MACROD1: variants seen among roughly 807,000 people sequenced by gnomAD.
The protein encoded by MACROD1 is mono-ADP ribosylhydrolase 1, also known as ADP-ribose glycohydrolase MACROD1.
Under a neutral mutation model 41.4 loss-of-function variants are expected in MACROD1, and 31 were observed. That is an observed-to-expected ratio of 0.75 (90% confidence interval 0.56 to 1.01). MACROD1 has a LOEUF of 1.01. MACROD1 is among the 50% of genes least tolerant of loss of function. The pLI is 0.00. For synonymous variants in MACROD1, 252 were observed against 203.4 expected (o/e 1.24, Z -2.03); for missense variants, 473 against 460.0 (o/e 1.03, Z -0.26).
At chr11:64,075,134 G>A (rs2134472750) in intron 3 of MACROD1, among the ~76,000 whole-genome samples, 1 of 152,312 alleles carries the variant, frequency 6.6e-6, no homozygotes, top group South Asian at 2.1e-4. Context: ...TCTCTCACTT[G>A]GAGAAAACGG....
intron 1 of MACROD1, among the ~76,000 whole-genome samples, chr11:64,161,078 G>A (rs1013187624): frequency 1.3e-5 from 2 of 152,124 alleles, no homozygotes; most frequent in African/African-American, 2.4e-5. Flanking sequence ...GGCTGAGGCA[G>A]GAGAATCGCT....
At position 64,067,914 on chromosome 11, in the gene MACROD1, G is replaced by A. The variant is rs759678144; in HGVS notation, c.518-52633C>T. On this transcript the variant is annotated intron_variant, in intron 3 of 10. Coordinates refer to ENST00000255681, the MANE Select transcript of MACROD1 (RefSeq NM_014067.4). This position sits in a 1 kb window ranked among gnomAD's most constrained non-coding sequence, Gnocchi z 4.6. ...CAGCGGTTCGCTCGGCTTTTAGGAG[G>A]GGGCTGGCGGTGAACCCATCCCCGT... Among the ~76,000 whole-genome samples, 9 of 152,128 alleles carry A rather than the reference G, an allele frequency of 5.9e-5. No individual in the cohort carries two copies. Among genetic ancestry groups the A allele is most frequent in the Non-Finnish European group, 8.8e-5 (6 of 68,026 alleles).
At chr11:64,134,914 G>A (rs779556413) in intron 3 of MACROD1, among the ~76,000 whole-genome samples, 61 of 152,192 alleles carry the variant, frequency 4.0e-4, no homozygotes, top group Admixed American at 2.9e-3. Context: ...GGCCCTCAGA[G>A]TCTCCCTCCA....
intron 4 of MACROD1, among the ~76,000 whole-genome samples, chr11:64,007,392 A>G (rs1156595729): frequency 6.6e-6 from 1 of 152,204 alleles, no homozygotes; most frequent in Non-Finnish European, 1.5e-5. Context: ...AGGAGGTGGC[A>G]TTGGAGCAGA....
intron 5 of MACROD1, 84 bp from the exon 6 acceptor site, chr11:63,999,847 G>A (rs921993391): frequency 2.8e-6 from 4 of 1,444,296 alleles, no homozygotes; most frequent in Non-Finnish European, 3.7e-6. Context: ...TGGGCAGAAG[G>A]GGGCAGGAAA....
chr11:64,106,357 T>G (rs1944763862), intron 3 of MACROD1, among the ~76,000 whole-genome samples: 1 of 152,224 alleles, frequency 6.6e-6, no homozygotes, highest in Non-Finnish European at 1.5e-5. Flanking sequence ...GCCCTGGGTC[T>G]AGGTTCAGGG....
At chr11:64,015,816 C>T (rs902891905) in intron 3 of MACROD1, among the ~76,000 whole-genome samples, 3 of 150,252 alleles carry the variant, frequency 2.0e-5, no homozygotes, top group Non-Finnish European at 4.4e-5. Context: ...GCTGAGGGGG[C>T]GCAGAAGGGG....
At chr11:64,087,815 C>T (rs966768104) in intron 3 of MACROD1, among the ~76,000 whole-genome samples, 7 of 152,250 alleles carry the variant, frequency 4.6e-5, no homozygotes, top group Non-Finnish European at 1.0e-4. Flanking sequence ...GGCTTCTCTG[C>T]ACTGTGGGGT....
At chr11:64,093,355 G>A (rs545954138) in intron 3 of MACROD1, among the ~76,000 whole-genome samples, 76 of 152,326 alleles carry the variant, frequency 5.0e-4, no homozygotes, top group Non-Finnish European at 8.5e-4. Flanking sequence ...AAGAGCTCAC[G>A]GCCCATTGGG....
intron 1 of MACROD1, among the ~76,000 whole-genome samples, chr11:64,160,554 C>T (rs1230331036): frequency 6.6e-6 from 1 of 152,150 alleles, no homozygotes; most frequent in Non-Finnish European, 1.5e-5. Flanking sequence ...TCTGTAATCT[C>T]AGCGCTAGCA....
At chr11:64,157,839 A>C (rs1945692687) in intron 1 of MACROD1, among the ~76,000 whole-genome samples, 1 of 152,222 alleles carries the variant, frequency 6.6e-6, no homozygotes, top group Non-Finnish European at 1.5e-5. Context: ...CTGGGCTCCC[A>C]GAATGCAGCG....
In MACROD1 at chr11:64,000,290, T is replaced by A; in HGVS notation, c.601A>T (p.Thr201Ser). Residue 201 changes from threonine to serine, a missense_variant, in exon 5 of 11, where the codon ACC becomes TCC. Transcript: ENST00000255681. ...TTGCCAGTCTTACAGCTCTGCAGGG[T>A]CCGGCACTCGTCGGTAAGCAGGGGG... is the stretch of plus-strand genomic sequence containing the variant. ...AGPLLTDECR[T>S]LQSCKTGKAK... The A allele has an allele frequency of 6.2e-7, 1 of 1,600,622 alleles. No homozygotes were observed. Among genetic ancestry groups the A allele is most frequent in the South Asian group, 1.1e-5 (1 of 88,932 alleles).
At chr11:64,087,609 C>G (rs1455248309) in intron 3 of MACROD1, among the ~76,000 whole-genome samples, 1 of 152,230 alleles carries the variant, frequency 6.6e-6, no homozygotes, top group African/African-American at 2.4e-5. Flanking sequence ...GCCTGCAAGG[C>G]TGGCCTTGCC....
intron 3 of MACROD1, chr11:64,103,493 TAC>T (rs1565233853): frequency 6.6e-6 from 1 of 151,392 alleles, no homozygotes; most frequent in African/African-American, 2.4e-5. Flanking sequence ...GTGGCAGGAA[TAC>T]AGAGCCTTTG....
chr11:64,017,690 G>A (rs1015094067), intron 3 of MACROD1, among the ~76,000 whole-genome samples: 35 of 152,160 alleles, frequency 2.3e-4, no homozygotes, highest in African/African-American at 7.0e-4. Context: ...AGCGAGGGAG[G>A]AGGGGGCATC....
intron 3 of MACROD1, among the ~76,000 whole-genome samples, chr11:64,142,436 C>T (rs1945426409): frequency 6.6e-6 from 1 of 152,198 alleles, no homozygotes; most frequent in Admixed American, 6.5e-5. Flanking sequence ...TCTACTCTCA[C>T]ATTCCCCATG....
At chr11:64,126,039 G>A (rs535412300) in intron 3 of MACROD1, among the ~76,000 whole-genome samples, 25 of 152,294 alleles carry the variant, frequency 1.6e-4, no homozygotes, top group African/African-American at 4.8e-4. Context: ...TGTGTGGAAC[G>A]CAGGCTTGCA....
chr11:64,032,630 GCCCTTGCGGCTGAGTGCATCC>G (rs1341690741), intron 3 of MACROD1, among the ~76,000 whole-genome samples: 1 of 152,138 alleles, frequency 6.6e-6, no homozygotes, highest in Admixed American at 6.5e-5. Flanking sequence ...GACTTGAGCT[GCCCTTGCGGCTGAGTGCATCC>G]CCCATGAGTG....
intron 3 of MACROD1, among the ~76,000 whole-genome samples, chr11:64,040,449 G>A (rs1943463596): frequency 3.3e-5 from 5 of 152,188 alleles, no homozygotes. Context: ...CTGGTGGGCT[G>A]TCTCCCTGGG....
Sources: gnomAD v4.1 joint callset for allele counts (sites outside exome capture counted in the v4.1 genomes callset) on GRCh38, gnomAD v4.1.1 for gene constraint, Gnocchi (gnomAD v3.1) non-coding constraint, MANE v1.5 for transcripts, NCBI Gene and HGNC (gene_info 2026-07-23, HGNC 2026-07-21) for gene names.